SHANK2: variants seen among roughly 807,000 people sequenced by gnomAD.
SHANK2 encodes SH3 and multiple ankyrin repeat domains 2.
Under a neutral mutation model 133.7 loss-of-function variants are expected in SHANK2, and 43 were observed. The observed-to-expected ratio is 0.32, with a 90% CI of 0.25 to 0.41. SHANK2 has a LOEUF of 0.41. Ranked by LOEUF, SHANK2 falls within the 10% of genes least tolerant of loss-of-function variation. The probability of loss-of-function intolerance (pLI) is 1.00; values close to 1 mark genes in which losing one functional copy is unlikely to be tolerated. For synonymous variants in SHANK2, 1,017 were observed against 952.8 expected (o/e 1.07, Z -1.24); for missense variants, 1,994 against 2,235.8 (o/e 0.89, Z 2.18).
rs1035084239 is a variant in SHANK2 at position 71,066,415 on chromosome 11, G to A, written c.1029+8744C>T. Among the ~76,000 whole-genome samples the A allele has an allele frequency of 1.3e-3, 201 of 152,002 alleles. 1 individual carries two copies. The highest frequency in any genetic ancestry group is 4.2e-3 in the African/African-American group (174 of 41,420). On this transcript the variant is annotated intron_variant, in intron 9 of 25. Coordinates refer to ENST00000601538, the MANE Select transcript of SHANK2 (RefSeq NM_012309.5). Reference sequence around the variant, plus strand: ...AGCAGGGAAGGTGGGCAGGGGGTCCGTGAAGCCAAGGAACTTCTGGAGACA... The same window carrying A: ...AGCAGGGAAGGTGGGCAGGGGGTCCATGAAGCCAAGGAACTTCTGGAGACA...
intron 14 of SHANK2, among the ~76,000 whole-genome samples, chr11:70,759,235 T>A (rs188419919): frequency 1.1e-4 from 17 of 151,248 alleles, no homozygotes; most frequent in African/African-American, 3.6e-4. Context: ...GGCTCACACC[T>A]GTAATCCCAG....
At chr11:70,575,792 G>A (rs573590619) in intron 17 of SHANK2, among the ~76,000 whole-genome samples, 5 of 152,090 alleles carry the variant, frequency 3.3e-5, no homozygotes, top group Admixed American at 2.0e-4. Context: ...CCCGCCCGTG[G>A]TGGGTGATGG....
At chr11:70,612,677 C>T (rs188105709) in intron 17 of SHANK2, among the ~76,000 whole-genome samples, 4 of 152,344 alleles carry the variant, frequency 2.6e-5, no homozygotes, top group East Asian at 3.9e-4. Flanking sequence ...CAGAGGCACC[C>T]GGGGTCTGCG....
chr11:70,846,548 G>T (rs112862930), intron 11 of SHANK2, among the ~76,000 whole-genome samples: 26 of 152,194 alleles, frequency 1.7e-4, no homozygotes, highest in Non-Finnish European at 2.9e-4. Flanking sequence ...GAGCTGCTGC[G>T]CTCGGCCTCA....
At chr11:70,678,296 C>G (rs985167440) in intron 15 of SHANK2, among the ~76,000 whole-genome samples, 3 of 151,996 alleles carry the variant, frequency 2.0e-5, no homozygotes, top group Non-Finnish European at 4.4e-5. Flanking sequence ...GCATGCGCCA[C>G]CAGGCCCAGC....
At chr11:70,792,854 G>T (rs182322060) in intron 14 of SHANK2, among the ~76,000 whole-genome samples, 4 of 152,326 alleles carry the variant, frequency 2.6e-5, no homozygotes, top group Admixed American at 2.6e-4. Context: ...GGGAGACCGA[G>T]GCAGGAGGGT....
chr11:71,150,360 G>T, intron 2 of SHANK2, among the ~76,000 whole-genome samples: 1 of 101,728 alleles, frequency 9.8e-6, no homozygotes, highest in East Asian at 3.6e-4. Flanking sequence ...GGGAGGGAGG[G>T]AGAGGGAGGG....
intron 17 of SHANK2, among the ~76,000 whole-genome samples, chr11:70,596,132 G>A (rs1253556456): frequency 1.3e-5 from 2 of 152,226 alleles, no homozygotes; most frequent in Non-Finnish European, 1.5e-5. Flanking sequence ...TAGAGCTGCA[G>A]GAGGATCAAT....
chr11:70,759,079 ACC>A (rs1946933090), intron 14 of SHANK2, among the ~76,000 whole-genome samples: 2 of 151,894 alleles, frequency 1.3e-5, no homozygotes, highest in Admixed American at 1.3e-4. Flanking sequence ...AACTGCTTGA[ACC>A]TGGGAGGCAG....
intron 2 of SHANK2, among the ~76,000 whole-genome samples, chr11:71,177,897 A>AT (rs1953477866): frequency 6.6e-6 from 1 of 152,230 alleles, no homozygotes; most frequent in Non-Finnish European, 1.5e-5. Flanking sequence ...TAAGAGGGCA[A>AT]TAACAATAAT....
At chr11:70,474,267 C>T (rs2135670191) in intron 25 of SHANK2, 1 of 152,610 alleles carries the variant, frequency 6.6e-6, no homozygotes, top group East Asian at 1.9e-4. Flanking sequence ...ACGGGCCTTA[C>T]TGAAAAGCAG....
At chr11:70,586,031 C>T (rs1429468865) in intron 17 of SHANK2, among the ~76,000 whole-genome samples, 3 of 152,184 alleles carry the variant, frequency 2.0e-5, no homozygotes, top group Admixed American at 1.3e-4. Flanking sequence ...TCAACCCTGA[C>T]CTTGTGGAGT....
chr11:71,217,612 T>C (rs1182615187), intron 2 of SHANK2, among the ~76,000 whole-genome samples: 3 of 152,200 alleles, frequency 2.0e-5, no homozygotes, highest in African/African-American at 7.2e-5. Context: ...TTACTGCCCC[T>C]GAAGACCTTC....
intron 11 of SHANK2, among the ~76,000 whole-genome samples, chr11:70,895,948 G>A (rs1949927299): frequency 6.6e-6 from 1 of 151,948 alleles, no homozygotes; most frequent in African/African-American, 2.4e-5. Context: ...AGTCTCCCCA[G>A]TCATCAACAC....
intron 17 of SHANK2, among the ~76,000 whole-genome samples, chr11:70,596,740 C>G (rs1156843057): frequency 3.3e-5 from 5 of 152,204 alleles, no homozygotes; most frequent in African/African-American, 1.2e-4. Context: ...ACAGTCCACT[C>G]TCTCCGGGGT....
At position 70,762,840 on chromosome 11, in the gene SHANK2, G is replaced by A. The variant is rs1555040530; in HGVS notation, c.1777+35603C>T. Among the ~76,000 whole-genome samples the A allele has an allele frequency of 2.0e-5, 3 of 152,366 alleles. No homozygotes were observed. The South Asian group carries it at 6.2e-4, about 32-fold the overall frequency. On this transcript the variant is annotated intron_variant, in intron 14 of 25. Coordinates refer to ENST00000601538, the MANE Select transcript of SHANK2 (RefSeq NM_012309.5). ...TGTGTGCCCTCATTTCAGCCCGGAG[G>A]AGGAGGGAAGCACAGACAGGTGGTG...
chr11:71,228,514 T>C (rs1954681799), intron 1 of SHANK2, among the ~76,000 whole-genome samples: 1 of 152,182 alleles, frequency 6.6e-6, no homozygotes, highest in African/African-American at 2.4e-5. Context: ...TCCCACCACT[T>C]TGGGAGACCG....
intron 17 of SHANK2, among the ~76,000 whole-genome samples, chr11:70,618,989 G>A (rs781878698): frequency 3.9e-5 from 6 of 152,276 alleles, no homozygotes; most frequent in Admixed American, 2.0e-4. Flanking sequence ...TGCAGGTGCC[G>A]TGCACAGCCG....
At chr11:71,132,084 C>A (rs1329063018) in intron 3 of SHANK2, among the ~76,000 whole-genome samples, 3 of 152,188 alleles carry the variant, frequency 2.0e-5, no homozygotes, top group African/African-American at 7.2e-5. Context: ...GACGAGGCCA[C>A]AGAGGCAGGT....
Sources: gnomAD v4.1 joint callset for allele counts (sites outside exome capture counted in the v4.1 genomes callset) on GRCh38, gnomAD v4.1.1 for gene constraint, MANE v1.5 for transcripts, NCBI Gene and HGNC (gene_info 2026-07-23, HGNC 2026-07-21) for gene names.